The following USP32 variants were observed in gnomAD, a reference collection of about 807,000 sequenced individuals.
USP32 encodes the protein ubiquitin specific peptidase 32, also known as ubiquitin carboxyl-terminal hydrolase 32.
In USP32, 59 loss-of-function variants were observed where a neutral mutation model predicts 204.8. That is an observed-to-expected ratio of 0.29 (90% confidence interval 0.23 to 0.36). The LOEUF (loss-of-function observed/expected upper bound fraction) is 0.36, where lower values mean the gene tolerates loss of function less well. Ranked by LOEUF, USP32 falls within the 10% of genes least tolerant of loss-of-function variation. USP32 has a pLI of 1.00. For synonymous variants in USP32, 517 were observed against 678.4 expected (o/e 0.76, Z 3.70); for missense variants, 1,160 against 1,946.4 (o/e 0.60, Z 7.60).
At chr17:60,225,975 A>G in intron 13 of USP32, 64 bp downstream of exon 13, 1 of 1,469,924 alleles carries the variant, frequency 6.8e-7, no homozygotes, top group African/African-American at 1.5e-5. Flanking sequence ...AAAAAAGAAA[A>G]GAAAAGAAAG....
chr17:60,179,556 G>T, intron 33 of USP32, 128 bp from the exon 34 acceptor site: 1 of 1,233,862 alleles, frequency 8.1e-7, no homozygotes, highest in Non-Finnish European at 1.1e-6. Flanking sequence ...TCACTAGTTT[G>T]GCTGTCTCAC....
At chr17:60,294,848 T>C (rs1382177150) in intron 3 of USP32, 47 bp from the exon 4 acceptor site, 2 of 1,280,064 alleles carry the variant, frequency 1.6e-6, no homozygotes, top group Admixed American at 1.8e-5. Context: ...AAAGACCAAA[T>C]ATACGTTGGT....
chr17:60,199,202 G>C (rs1461786061), intron 26 of USP32, among the ~76,000 whole-genome samples: 1 of 151,724 alleles, frequency 6.6e-6, no homozygotes, highest in Non-Finnish European at 1.5e-5. Flanking sequence ...GCTGTTGATA[G>C]TGGTTGTTGG....
intron 1 of USP32, among the ~76,000 whole-genome samples, chr17:60,391,259 A>C (rs936350389): frequency 6.6e-6 from 1 of 152,204 alleles, no homozygotes; most frequent in Non-Finnish European, 1.5e-5. Flanking sequence ...CCAGCTGTCC[A>C]GTCTCATCTC....
Position 60,212,624 on chromosome 17 carries a change from C to T in USP32, c.2105-526G>A, listed in dbSNP as rs572757382. On this transcript the variant is annotated intron_variant, in intron 18 of 33. Coordinates refer to ENST00000300896, the MANE Select transcript of USP32 (RefSeq NM_032582.4). ...TTTGAATAATCTTATCCCTCAATTA[C>T]CTACTTGAAGTAAAATTATACTCAA... Among the ~76,000 whole-genome samples the T allele has an allele frequency of 5.9e-5, 9 of 151,732 alleles. No homozygotes were observed. The South Asian group carries it at 1.9e-3, about 32-fold the overall frequency.
At chr17:60,378,181 A>G (rs74691415) in intron 1 of USP32, among the ~76,000 whole-genome samples, 5,406 of 152,288 alleles carry the variant, frequency 0.035, 321 homozygotes, top group African/African-American at 0.12. Context: ...AATGACCAAT[A>G]GCACATTAAA....
chr17:60,297,027 T>C (rs2087448584), intron 3 of USP32, among the ~76,000 whole-genome samples: 1 of 152,150 alleles, frequency 6.6e-6, no homozygotes, highest in Non-Finnish European at 1.5e-5. Flanking sequence ...ACAGACTCTT[T>C]GTGGCAGAAA....
At chr17:60,350,978 A>C (rs1424279740) in intron 1 of USP32, among the ~76,000 whole-genome samples, 1 of 152,158 alleles carries the variant, frequency 6.6e-6, no homozygotes, top group Non-Finnish European at 1.5e-5. Context: ...TCTGGTGCAC[A>C]TTAAGTATCT....
chr17:60,374,664 C>G (rs750569920), intron 1 of USP32, among the ~76,000 whole-genome samples: 2 of 152,078 alleles, frequency 1.3e-5, no homozygotes, highest in African/African-American at 4.8e-5. Flanking sequence ...GGAGCCACCA[C>G]GTTCAGCCAA....
At chr17:60,351,168 G>A (rs921676236) in intron 1 of USP32, among the ~76,000 whole-genome samples, 1 of 151,978 alleles carries the variant, frequency 6.6e-6, no homozygotes, top group African/African-American at 2.4e-5. Context: ...AATAGAGATT[G>A]GTTCAAAGTC....
intron 1 of USP32, among the ~76,000 whole-genome samples, chr17:60,360,851 G>A (rs193025339): frequency 7.9e-5 from 12 of 151,118 alleles, no homozygotes; most frequent in East Asian, 4.0e-4. Context: ...AAAGTAGGCC[G>A]GGCGCGGTGG....
intron 12 of USP32, among the ~76,000 whole-genome samples, chr17:60,233,284 A>G (rs2085623683): frequency 6.6e-6 from 1 of 152,150 alleles, no homozygotes; most frequent in Admixed American, 6.6e-5. Flanking sequence ...TGGCAGGCAT[A>G]GTGAGACCCC....
intron 1 of USP32, among the ~76,000 whole-genome samples, chr17:60,397,422 G>A (rs769962817): frequency 6.6e-6 from 1 of 152,110 alleles, no homozygotes; most frequent in East Asian, 1.9e-4. Flanking sequence ...GAGTGCAGTG[G>A]TGTGATCATA....
intron 5 of USP32, among the ~76,000 whole-genome samples, chr17:60,280,914 G>T (rs2086952669): frequency 1.3e-5 from 2 of 152,222 alleles, no homozygotes; most frequent in South Asian, 4.1e-4. Flanking sequence ...AAACTTAGCA[G>T]TAATTCTGAC....
In USP32 at chr17:60,417,453, A is replaced by AT. The variant is rs746989259; in HGVS notation, c.106+4792dup. Among the ~76,000 whole-genome samples the AT allele has an allele frequency of 4.7e-3, 655 of 137,946 alleles. 6 individuals carry two copies. The highest frequency in any genetic ancestry group is 0.025 in the South Asian group (109 of 4,284). The allele number at this position is 137,946 out of a possible 152,430, so 90.5% of individuals were successfully genotyped here. ...AAGCCACATGCCCAGCTGATTTTTA[A>AT]TTTTTTTTTTTTTTTTTGTGACAGA... On this transcript the variant is annotated intron_variant, in intron 1 of 3. Coordinates refer to the USP32 transcript ENST00000588898.
At chr17:60,304,143 A>G (rs1239747048) in intron 2 of USP32, among the ~76,000 whole-genome samples, 1 of 152,138 alleles carries the variant, frequency 6.6e-6, no homozygotes, top group Non-Finnish European at 1.5e-5. Context: ...TCAAAACCAA[A>G]GATAAAAAGA....
At chr17:60,332,734 T>C (rs1245341587) in intron 2 of USP32, among the ~76,000 whole-genome samples, 4 of 152,212 alleles carry the variant, frequency 2.6e-5, no homozygotes, top group Non-Finnish European at 4.4e-5. Context: ...CCAGGCAAGC[T>C]TCCTTTCACA....
At chr17:60,209,296 T>G in intron 22 of USP32, 74 bp downstream of exon 22, 1 of 673,498 alleles carries the variant, frequency 1.5e-6, no homozygotes, top group Non-Finnish European at 2.3e-6. Flanking sequence ...AGTTTGCATT[T>G]AAGTTGTGCT....
In USP32 at chr17:60,337,309, G is replaced by A. The variant is rs373827007; in HGVS notation, c.186+8172C>T. ...TGATCACTATGTCTAAAAACACTCC[G>A]GAATCTAATACGGCTTTTGATTAAT... On this transcript the variant is annotated intron_variant, in intron 2 of 33. Coordinates refer to ENST00000300896, the MANE Select transcript of USP32 (RefSeq NM_032582.4). Among the ~76,000 whole-genome samples the A allele has an allele frequency of 1.4e-3, 212 of 152,224 alleles. 1 individual carries two copies. The highest frequency in any genetic ancestry group is 4.6e-3 in the African/African-American group (192 of 41,522).
Sources: allele counts gnomAD v4.1 joint callset (sites outside exome capture counted in the v4.1 genomes callset), GRCh38; gene constraint gnomAD v4.1.1; transcripts MANE v1.5; gene names NCBI Gene and HGNC (gene_info 2026-07-23, HGNC 2026-07-21).